The following FBXO25 variants were observed in gnomAD, a reference collection of about 807,000 sequenced individuals.
The protein encoded by FBXO25 is F-box protein 25.
A neutral mutation model predicts 51.9 loss-of-function variants in FBXO25; 45 were observed. The ratio of observed to expected loss-of-function variants is 0.87; its 90% confidence interval spans 0.68 to 1.11. FBXO25 has a LOEUF of 1.11. Among genes scored for constraint, FBXO25 ranks in the 50% most tolerant of loss-of-function variants. The probability of loss-of-function intolerance (pLI) is 0.00; values close to 1 mark genes in which losing one functional copy is unlikely to be tolerated. For synonymous variants in FBXO25, 199 were observed against 151.0 expected, an observed-to-expected ratio of 1.32 and a Z score of -2.33; for missense variants, 507 against 428.5, an observed-to-expected ratio of 1.18 and a Z score of -1.62.
intron 2 of FBXO25, among the ~76,000 whole-genome samples, chr8:414,793 C>T (rs1234735398): frequency 2.0e-5 from 3 of 152,214 alleles, no homozygotes; most frequent in Non-Finnish European, 4.4e-5. Context: ...TGGGTACCCT[C>T]TGTAGGGCAC....
chr8:415,403 A>G (rs535313201), intron 2 of FBXO25, among the ~76,000 whole-genome samples: 4 of 152,240 alleles, frequency 2.6e-5, no homozygotes, highest in African/African-American at 7.2e-5. Context: ...TGCTCTTTCA[A>G]GCAACATTCA....
intron 4 of FBXO25, among the ~76,000 whole-genome samples, chr8:435,021 A>T (rs557645289): frequency 6.6e-6 from 1 of 152,054 alleles, no homozygotes; most frequent in Non-Finnish European, 1.5e-5. Flanking sequence ...CTCCATCCCA[A>T]TGCTGGTTTT....
rs944447326 is a variant in FBXO25, at chr8:424,777, G to C, written c.135-6564G>C. Among the ~76,000 whole-genome samples the C allele has an allele frequency of 1.1e-4, 16 of 152,134 alleles. 1 individual carries two copies. Among genetic ancestry groups the C allele is most frequent in the Non-Finnish European group, 8.8e-5 (6 of 68,024 alleles). On this transcript the variant is annotated intron_variant, in intron 2 of 9. Transcript: ENST00000350302. ...TTGGTTACTGGGGCTTTATAGTATA[G>C]TTTGAAGTTGAGTAGTGTGATGCCT...
At chr8:421,333 A>C in intron 2 of FBXO25, among the ~76,000 whole-genome samples, 1 of 152,208 alleles carries the variant, frequency 6.6e-6, no homozygotes, top group Non-Finnish European at 1.5e-5. Context: ...TGGTGCCAAA[A>C]CGGTTAGGGA....
intron 2 of FBXO25, among the ~76,000 whole-genome samples, chr8:429,006 A>C (rs555610862): frequency 3.3e-4 from 51 of 152,360 alleles, no homozygotes; most frequent in African/African-American, 1.1e-3. Flanking sequence ...GAACGTGGGC[A>C]TACAAGTATC....
chr8:407,903 G>T (rs1354143390), intron 1 of FBXO25, among the ~76,000 whole-genome samples: 2 of 151,968 alleles, frequency 1.3e-5, no homozygotes, highest in Non-Finnish European at 2.9e-5. Flanking sequence ...TCTGTCCTTG[G>T]GCCTATTCAA....
At chr8:440,940 G>A (rs2116649285) in intron 5 of FBXO25, among the ~76,000 whole-genome samples, 1 of 145,870 alleles carries the variant, frequency 6.9e-6, no homozygotes, top group Non-Finnish European at 1.5e-5. Flanking sequence ...TGACTGCATA[G>A]TATTCCATGG....
At chr8:432,074 G>C (rs1424162221) in intron 3 of FBXO25, among the ~76,000 whole-genome samples, 1 of 152,080 alleles carries the variant, frequency 6.6e-6, no homozygotes, top group African/African-American at 2.4e-5. Flanking sequence ...AGATTAACGA[G>C]AATAATAAAA....
chr8:466,413 G>A lies in FBXO25; in HGVS notation c.988-2302G>A, dbSNP rs1358604867. On this transcript the variant is annotated intron_variant, in intron 9 of 9. Coordinates refer to ENST00000350302, the MANE Select transcript of FBXO25 (RefSeq NM_183420.2). The stretch of plus-strand genomic sequence containing the variant: ...GTGGATGTTCAGCAGTCCTGCACCT[G>A]GAAACTGGCACATAGCTGGTGCTCA... 2.0e-5 allele frequency among the ~76,000 whole-genome samples: 3 copies of A among 152,202 alleles called. No individual in the cohort carries two copies. The East Asian group carries it at 5.8e-4, about 29-fold the overall frequency.
intron 5 of FBXO25, among the ~76,000 whole-genome samples, chr8:444,337 C>G (rs1798609315): frequency 6.6e-6 from 1 of 152,206 alleles, no homozygotes; most frequent in Non-Finnish European, 1.5e-5. Flanking sequence ...TTCAGGAGCA[C>G]AGGCACACAT....
intron 2 of FBXO25, among the ~76,000 whole-genome samples, chr8:422,590 C>T (rs1477890096): frequency 6.6e-6 from 1 of 152,148 alleles, no homozygotes; most frequent in African/African-American, 2.4e-5. Context: ...TCTATGGCTG[C>T]ATGAAGGTGG....
In FBXO25 at chr8:469,702, C is replaced by A. The variant is rs201638505; in HGVS notation, c.*898C>A. The stretch of plus-strand genomic sequence containing the variant: ...GAAAATTAGAAAATCAGTCCCACCA[C>A]CCAAAGATTATTGTGCATGCTGAAA... On this transcript the variant is annotated 3_prime_UTR_variant, in exon 10 of 10. Transcript: ENST00000350302. 9.2e-5 allele frequency: 14 copies of A among 152,138 alleles called. No individual in the cohort carries two copies. In the East Asian group the frequency reaches 1.9e-3, roughly 21 times the overall value. The allele number at this position is 152,138 out of a possible 1,614,324, so 9.4% of individuals were successfully genotyped here. A position where few individuals can be genotyped will look rare whatever the true frequency, so the allele number is the denominator to read the frequency against.
chr8:466,299 CAGACCTGGACCTG>C (rs1356423388), intron 9 of FBXO25, among the ~76,000 whole-genome samples: 4 of 152,218 alleles, frequency 2.6e-5, no homozygotes, highest in Non-Finnish European at 5.9e-5. Flanking sequence ...TGGAGTCAGG[CAGACCTGGACCTG>C]CCTCCGGGGT....
chr8:428,818 A>G (rs1156289030), intron 2 of FBXO25, among the ~76,000 whole-genome samples: 1 of 152,178 alleles, frequency 6.6e-6, no homozygotes, highest in East Asian at 1.9e-4. Flanking sequence ...TGACTGTCTT[A>G]TCTCAGCGTA....
In FBXO25 at chr8:470,538, C is replaced by G. The variant is rs1435276263; in HGVS notation, c.*1734C>G. The G allele has an allele frequency of 6.6e-6, 1 of 152,008 alleles. No homozygotes were observed. Among genetic ancestry groups the G allele is most frequent in the Non-Finnish European group, 1.5e-5 (1 of 68,080 alleles). 9.4% of individuals were successfully genotyped at this position (152,008 alleles called of 1,614,324 possible). A position where few individuals can be genotyped will look rare whatever the true frequency, so the allele number is the denominator to read the frequency against. Reference sequence around the variant, plus strand: ...AGGACCACAGGCATATACCACCATGCTCAGCTGTTTTTTTGTATTTTTAGT... The same window carrying G: ...AGGACCACAGGCATATACCACCATGGTCAGCTGTTTTTTTGTATTTTTAGT... On this transcript the variant is annotated 3_prime_UTR_variant, in exon 10 of 10. Transcript: ENST00000350302.
chr8:423,710 T>G (rs1413624558), intron 2 of FBXO25, among the ~76,000 whole-genome samples: 1 of 152,240 alleles, frequency 6.6e-6, no homozygotes, highest in African/African-American at 2.4e-5. Context: ...GCACCTGGGT[T>G]GATTCTGTGT....
chr8:423,555 C>T (rs989515467), intron 2 of FBXO25, among the ~76,000 whole-genome samples: 1 of 151,962 alleles, frequency 6.6e-6, no homozygotes, highest in Non-Finnish European at 1.5e-5. Context: ...ATTTGGTTTT[C>T]TGTTCCTGCA....
chr8:472,897 TC>T lies in FBXO25; in HGVS notation c.*4096del, dbSNP rs1310568397. 1.3e-5 allele frequency: 2 copies of T among 152,270 alleles called. No homozygotes were observed. The highest frequency in any genetic ancestry group is 1.3e-4 in the Admixed American group (2 of 15,304). 9.4% of individuals were successfully genotyped at this position (152,270 alleles called of 1,614,324 possible). ...CCTTATGAAACTCGACTTTTTAATC[TC>T]CCTCTCTTCATTATGATGTGTGCAC... On this transcript the variant is annotated 3_prime_UTR_variant, in exon 10 of 10. Coordinates refer to ENST00000350302, the MANE Select transcript of FBXO25 (RefSeq NM_183420.2).
At chr8:443,085 C>T (rs1414417129) in intron 5 of FBXO25, among the ~76,000 whole-genome samples, 3 of 151,462 alleles carry the variant, frequency 2.0e-5, no homozygotes, top group Non-Finnish European at 2.9e-5. Flanking sequence ...CTCAGCTCCG[C>T]TGAGAGTCTG....
Sources: gnomAD v4.1 joint callset for allele counts (sites outside exome capture counted in the v4.1 genomes callset) on GRCh38, gnomAD v4.1.1 for gene constraint, MANE v1.5 for transcripts, NCBI Gene and HGNC (gene_info 2026-07-23, HGNC 2026-07-21) for gene names.